The following NXF3 variants were observed in gnomAD, a reference collection of about 807,000 sequenced individuals.
NXF3 encodes TAP-like protein 3.
NXF3 carries 34 observed loss-of-function variants against 48.4 expected under a neutral mutation model. That is an observed-to-expected ratio of 0.70 (90% CI 0.53 to 0.93). NXF3 has a LOEUF of 0.93. Among genes scored for constraint, NXF3 ranks in the 40% least tolerant of loss-of-function variants. The pLI, the probability that NXF3 is intolerant of heterozygous loss-of-function variation, is 0.00. For synonymous variants in NXF3, 132 were observed against 145.7 expected, an observed-to-expected ratio of 0.91 and a Z score of 0.68; for missense variants, 359 against 406.1, an observed-to-expected ratio of 0.88 and a Z score of 1.00.
Position 103,082,740 on chromosome X carries a change from G to C in NXF3, c.780+20C>G, listed in dbSNP as rs377457979. On this transcript the variant is annotated intron_variant, in intron 8 of 19. Transcript: ENST00000395065. ...TCTTCCACCTTCACCCTCAATCCCA[G>C]CATGAGCCTAAGGCCTCACTGTAGG... The C allele has an allele frequency of 8.7e-7, 1 of 1,154,847 alleles. No individual in the cohort carries two copies. Among genetic ancestry groups the C allele is most frequent in the African/African-American group, 1.8e-5 (1 of 56,113 alleles).
rs755656987 is a variant in NXF3, at chrX:103,084,345, G to T, written c.348C>A (p.Ile116=). 1 of 1,211,036 alleles carries T rather than the reference G, an allele frequency of 8.3e-7. No individual in the cohort carries two copies. The highest frequency in any genetic ancestry group is 1.1e-6 in the Non-Finnish European group (1 of 895,290). Residue 116 remains isoleucine (I), a synonymous_variant, in exon 3 of 20, where the codon ATC becomes ATA. Coordinates refer to ENST00000395065, the MANE Select transcript of NXF3 (RefSeq NM_022052.2). ...PDGTLGSWFK[I]TVPFGIKYNE... ...TCCACTTTGCCAGGACACTCACTGT[G>T]ATCTTGAACCAGCTCCCTAAGGTCC...
At chrX:103,080,514 G>A (rs956516504) in intron 10 of NXF3, 62 bp downstream of exon 10, 1 of 1,041,243 alleles carries the variant, frequency 9.6e-7, no homozygotes, top group Admixed American at 2.2e-5. Flanking sequence ...AAAGGGGTTT[G>A]GGGCAGTTGG....
Position 103,079,205 on chromosome X carries a change from C to T in NXF3, c.1378+16G>A. 8.3e-7 allele frequency: 1 copy of T among 1,207,823 alleles called. No individual in the cohort carries two copies. The highest frequency in any genetic ancestry group is 1.1e-6 in the Non-Finnish European group (1 of 891,941). On this transcript the variant is annotated intron_variant, in intron 16 of 19. Transcript: ENST00000395065. ...AGGAGTGGGGGATCTGGGGAAGGGACTCTACAGACACTCACCTTCCTTGAA... is the reference window on the plus strand; with the variant it reads ...AGGAGTGGGGGATCTGGGGAAGGGATTCTACAGACACTCACCTTCCTTGAA...
intron 16 of NXF3, 108 bp downstream of exon 16, chrX:103,079,113 A>T: frequency 1.2e-6 from 1 of 822,026 alleles, no homozygotes; most frequent in Non-Finnish European, 1.8e-6. Context: ...AGGGAACAAG[A>T]GGAAGGAAAG....
rs905398598 is a variant in NXF3 at position 103,086,360 on chromosome X, G to A, written c.29-1477C>T. ...CGGGAAGCAGAGCTTGTAGTGAGCC[G>A]AAATCCCGCCACTGCACTCCAGTGC... On this transcript the variant is annotated intron_variant, in intron 1 of 19. Coordinates refer to ENST00000395065, the MANE Select transcript of NXF3 (RefSeq NM_022052.2). Among the ~76,000 whole-genome samples the A allele has an allele frequency of 1.1e-4, 12 of 110,642 alleles. No homozygotes were observed. The East Asian group carries it at 1.4e-3, about 13-fold the overall frequency.
At chrX:103,088,260 G>T in intron 1 of NXF3, 1 of 619,300 alleles carries the variant, frequency 1.6e-6, no homozygotes. Context: ...TTTGATCCTA[G>T]AAAAAAGTAT....
At chrX:103,088,210 G>C (rs1569281574) in intron 1 of NXF3, 19 of 899,420 alleles carry the variant, frequency 2.1e-5, no homozygotes, top group Non-Finnish European at 2.7e-5. Flanking sequence ...AAAAATATTG[G>C]CCAAGCTTAA....
chrX:103,087,590 C>G, intron 1 of NXF3: 1 of 961,131 alleles, frequency 1.0e-6, no homozygotes, highest in South Asian at 2.0e-5. Context: ...GTGTATAATA[C>G]TTTTACCAGA....
chrX:103,079,478 T>C lies in NXF3; in HGVS notation c.1220-4A>G. ...TTCAGCAGCTCCCCCCGAAGGTCTGTAGAGGAGAAGAGAAGCAAGGATTTG... is the reference window on the plus strand; with the variant it reads ...TTCAGCAGCTCCCCCCGAAGGTCTGCAGAGGAGAAGAGAAGCAAGGATTTG... On this transcript the variant is annotated splice_region_variant and splice_polypyrimidine_tract_variant and intron_variant, in intron 14 of 19. Coordinates refer to ENST00000395065, the MANE Select transcript of NXF3 (RefSeq NM_022052.2). 2 of 1,205,569 alleles carry C rather than the reference T, an allele frequency of 1.7e-6. No homozygotes were observed. The highest frequency in any genetic ancestry group is 2.2e-6 in the Non-Finnish European group (2 of 889,932).
At chrX:103,083,818 T>C in intron 3 of NXF3, 126 bp from the exon 4 acceptor site, 1 of 462,379 alleles carries the variant, frequency 2.2e-6, no homozygotes, top group Non-Finnish European at 3.8e-6. Context: ...CATCCATTAT[T>C]GCTAACTTAT....
chrX:103,092,988 C>T lies in NXF3; in HGVS notation c.28+8G>A. ...CCTGAGACTCCAGCCTCATGCTGGC[C>T]AACTCACCCGTAGTGTGTCCTGAAG... On this transcript the variant is annotated splice_region_variant and intron_variant, in intron 1 of 19. Coordinates refer to ENST00000395065, the MANE Select transcript of NXF3 (RefSeq NM_022052.2). 8.3e-7 allele frequency: 1 copy of T among 1,209,030 alleles called. No individual in the cohort carries two copies. The highest frequency in any genetic ancestry group is 2.2e-5 in the Admixed American group (1 of 46,021).
chrX:103,081,287 T>A (rs1922001016), intron 9 of NXF3: 1 of 112,417 alleles, frequency 8.9e-6, no homozygotes, highest in African/African-American at 3.2e-5. Flanking sequence ...TTCTCACCTG[T>A]GTGAGCTCAG....
intron 3 of NXF3, among the ~76,000 whole-genome samples, chrX:103,084,113 C>T (rs979307938): frequency 9.0e-6 from 1 of 111,080 alleles, no homozygotes; most frequent in Non-Finnish European, 1.9e-5. Flanking sequence ...CATTCGTTTC[C>T]TCCTTTGATT....
chrX:103,082,624 G>A, intron 8 of NXF3, 136 bp downstream of exon 8: 1 of 560,775 alleles, frequency 1.8e-6, no homozygotes, highest in Non-Finnish European at 3.0e-6. Flanking sequence ...TTGGGTTCAA[G>A]GGCAAAAGCT....
At chrX:103,088,920 G>T in intron 1 of NXF3, 1 of 1,195,284 alleles carries the variant, frequency 8.4e-7, no homozygotes, top group Non-Finnish European at 1.1e-6. Context: ...CGAGGTCTCA[G>T]AGTCAGATCA....
chrX:103,083,240 G>C lies in NXF3; in HGVS notation c.574C>G (p.His192Asp). The C allele has an allele frequency of 1.7e-6, 2 of 1,211,235 alleles. No homozygotes were observed. The highest frequency in any genetic ancestry group is 2.2e-6 in the Non-Finnish European group (2 of 895,287). Residue 192 changes from histidine to aspartate, a missense_variant, in exon 6 of 20, where the codon CAC (histidine) becomes GAC (aspartate). By Grantham distance (81) the His-to-Asp change is moderately conservative (BLOSUM62 -1). Transcript: ENST00000395065. Reference protein sequence around the residue: ...SIFVNPAGIPHFVHRELKSEK... With the variant: ...SIFVNPAGIPDFVHRELKSEK... ...GACTTCAGCTCCCTGTGCACAAAGT[G>C]GGGTATGCCAGCAGGGTTGACAAAG... is the stretch of plus-strand genomic sequence containing the variant.
chrX:103,090,363 T>G (rs1002213337), intron 1 of NXF3, among the ~76,000 whole-genome samples: 15 of 112,022 alleles, frequency 1.3e-4, no homozygotes, highest in Non-Finnish European at 2.8e-4. Context: ...GTCATTCCTG[T>G]AGAGGGATAA....
intron 1 of NXF3, among the ~76,000 whole-genome samples, chrX:103,092,759 G>T (rs373929210): frequency 8.9e-6 from 1 of 112,565 alleles, no homozygotes; most frequent in African/African-American, 3.2e-5. Flanking sequence ...ACCACCTCTA[G>T]TGTACATCCA....
Position 103,093,126 on chromosome X carries a change from G to T in NXF3, c.-103C>A. 2.6e-6 allele frequency: 2 copies of T among 766,632 alleles called. No individual in the cohort carries two copies. The highest frequency in any genetic ancestry group is 4.0e-6 in the Non-Finnish European group (2 of 502,689). 63.2% of individuals were successfully genotyped at this position (766,632 alleles called of 1,213,427 possible). A position where few individuals can be genotyped will look rare whatever the true frequency, so the allele number is the denominator to read the frequency against. On this transcript the variant is annotated 5_prime_UTR_variant, in exon 1 of 20. Coordinates refer to ENST00000395065, the MANE Select transcript of NXF3 (RefSeq NM_022052.2). ...GGGCTGCTGACGAAGGCGAGAGCAA[G>T]CCTCAAGCCTTGCTTACAGGAAGTT...
Sources: gnomAD v4.1 joint callset for allele counts (sites outside exome capture counted in the v4.1 genomes callset) on GRCh38, gnomAD v4.1.1 for gene constraint, MANE v1.5 for transcripts, NCBI Gene and HGNC (gene_info 2026-07-23, HGNC 2026-07-21) for gene names.